The following SMAP1 variants were observed in gnomAD, a reference collection of about 807,000 sequenced individuals.
SMAP1 encodes small ArfGAP 1, also known as stromal membrane-associated protein 1.
A neutral mutation model predicts 58.5 loss-of-function variants in SMAP1; 24 were observed. That is an observed-to-expected ratio of 0.41 (90% CI 0.30 to 0.58). The LOEUF is 0.58. SMAP1 is among the 20% of genes least tolerant of loss of function. The pLI is 0.29. For missense variants in SMAP1, 563 were observed against 566.3 expected (o/e 0.99, Z 0.06); for synonymous variants, 216 against 196.6 (o/e 1.10, Z -0.82).
intron 6 of SMAP1, among the ~76,000 whole-genome samples, chr6:70,826,181 C>T (rs1013958941): frequency 6.6e-6 from 1 of 152,154 alleles, no homozygotes; most frequent in Admixed American, 6.5e-5. Flanking sequence ...AGGAAACTTA[C>T]CAGTGTAGCC....
At chr6:70,687,802 T>A (rs1277280524) in intron 1 of SMAP1, among the ~76,000 whole-genome samples, 1 of 152,214 alleles carries the variant, frequency 6.6e-6, no homozygotes, top group Non-Finnish European at 1.5e-5. Flanking sequence ...CAGTTTTGCT[T>A]GTACAGTAAT....
At chr6:70,690,590 C>T (rs895006314) in intron 1 of SMAP1, among the ~76,000 whole-genome samples, 8 of 151,728 alleles carry the variant, frequency 5.3e-5, no homozygotes, top group Non-Finnish European at 1.0e-4. Flanking sequence ...ACAGGCCACC[C>T]GGCCGGTTTT....
chr6:70,807,872 A>G (rs953157886), intron 6 of SMAP1, among the ~76,000 whole-genome samples: 10 of 151,924 alleles, frequency 6.6e-5, no homozygotes, highest in Non-Finnish European at 1.5e-4. Flanking sequence ...GATTCCTCAG[A>G]AAGTTGACCA....
At chr6:70,688,534 T>G (rs1467176313) in intron 1 of SMAP1, among the ~76,000 whole-genome samples, 1 of 152,234 alleles carries the variant, frequency 6.6e-6, no homozygotes, top group Admixed American at 6.5e-5. Context: ...ATTTGGATTC[T>G]CCTAGTGGTT....
intron 5 of SMAP1, among the ~76,000 whole-genome samples, chr6:70,796,586 T>C (rs1377862344): frequency 6.6e-6 from 1 of 152,194 alleles, no homozygotes; most frequent in Non-Finnish European, 1.5e-5. Flanking sequence ...CAGCAGTAGG[T>C]AATGTTTCTA....
Position 70,860,583 on chromosome 6 carries a change from G to C in SMAP1, c.*249G>C. 1 of 432,632 alleles carries C rather than the reference G, an allele frequency of 2.3e-6. No homozygotes were observed. Among genetic ancestry groups the C allele is most frequent in the Non-Finnish European group, 4.0e-6 (1 of 248,640 alleles). The allele number at this position is 432,632 out of a possible 1,614,324, so 26.8% of individuals were successfully genotyped here. On this transcript the variant is annotated 3_prime_UTR_variant, in exon 11 of 11. Transcript: ENST00000370455. ...CATGATTTCATGTACTGCATTATTTGAGAAGCTGCTCAACTTGCAAAATCA... is the reference window on the plus strand; with the variant it reads ...CATGATTTCATGTACTGCATTATTTCAGAAGCTGCTCAACTTGCAAAATCA...
intron 6 of SMAP1, among the ~76,000 whole-genome samples, chr6:70,834,968 G>C (rs1770510480): frequency 6.6e-6 from 1 of 151,948 alleles, no homozygotes; most frequent in African/African-American, 2.4e-5. Context: ...TAAAGAATTG[G>C]GCCGGGCGCA....
At chr6:70,684,032 GT>G (rs1766831521) in intron 1 of SMAP1, among the ~76,000 whole-genome samples, 1 of 152,156 alleles carries the variant, frequency 6.6e-6, no homozygotes, top group African/African-American at 2.4e-5. Context: ...TAAATTGTGG[GT>G]TTTTATGCTT....
intron 1 of SMAP1, among the ~76,000 whole-genome samples, chr6:70,731,028 G>C (rs577826996): frequency 6.6e-6 from 1 of 152,278 alleles, no homozygotes; most frequent in East Asian, 1.9e-4. Context: ...TCAAACTCCT[G>C]ACCTCAAGTG....
intron 2 of SMAP1, among the ~76,000 whole-genome samples, chr6:70,753,747 T>C (rs1766374031): frequency 6.6e-6 from 1 of 152,090 alleles, no homozygotes; most frequent in Non-Finnish European, 1.5e-5. Context: ...GCCTTCTATG[T>C]CATCTTGGAG....
intron 8 of SMAP1, among the ~76,000 whole-genome samples, chr6:70,854,446 A>AAGGTAAG (rs1771313976): frequency 6.6e-6 from 1 of 151,964 alleles, no homozygotes; most frequent in African/African-American, 2.4e-5. Context: ...ACATGGTGAA[A>AAGGTAAG]CCCCATCTCT....
chr6:70,705,786 C>T (rs1767814540), intron 1 of SMAP1, among the ~76,000 whole-genome samples: 1 of 152,258 alleles, frequency 6.6e-6, no homozygotes, highest in Non-Finnish European at 1.5e-5. Context: ...TCAAAGGCCC[C>T]AACCCTACAA....
At chr6:70,804,741 C>T (rs1362339464) in intron 6 of SMAP1, among the ~76,000 whole-genome samples, 2 of 152,088 alleles carry the variant, frequency 1.3e-5, no homozygotes, top group Non-Finnish European at 2.9e-5. Context: ...TATTTTATTT[C>T]TCCTTCACTT....
chr6:70,794,634 T>C (rs1264520374), intron 5 of SMAP1, among the ~76,000 whole-genome samples: 3 of 152,158 alleles, frequency 2.0e-5, no homozygotes, highest in Non-Finnish European at 4.4e-5. Context: ...TTCCCACCTA[T>C]GAGTGGAACA....
At chr6:70,775,424 GT>G (rs1487262922) in intron 4 of SMAP1, among the ~76,000 whole-genome samples, 6 of 152,052 alleles carry the variant, frequency 3.9e-5, no homozygotes, top group Non-Finnish European at 7.4e-5. Context: ...ACTGAGTTGG[GT>G]TTTTTCCCCC....
intron 1 of SMAP1, among the ~76,000 whole-genome samples, chr6:70,699,946 C>T (rs1767558336): frequency 6.6e-6 from 1 of 151,756 alleles, no homozygotes; most frequent in Non-Finnish European, 1.5e-5. Flanking sequence ...GTTATTCTTC[C>T]CTTTCCTTTC....
chr6:70,804,846 G>A (rs1462153156), intron 6 of SMAP1, among the ~76,000 whole-genome samples: 1 of 151,870 alleles, frequency 6.6e-6, no homozygotes, highest in East Asian at 1.9e-4. Context: ...CTGGCCTATA[G>A]TGTTTCTGCT....
At chr6:70,779,238 TA>T (rs1454317144) in intron 4 of SMAP1, among the ~76,000 whole-genome samples, 1 of 152,214 alleles carries the variant, frequency 6.6e-6, no homozygotes, top group Non-Finnish European at 1.5e-5. Flanking sequence ...CTGCCGAGTC[TA>T]GCTGGTGTTC....
intron 1 of SMAP1, chr6:70,693,849 G>C (rs1767287250): frequency 6.6e-6 from 1 of 152,194 alleles, no homozygotes; most frequent in Non-Finnish European, 1.5e-5. Flanking sequence ...GGTTTCTTGG[G>C]TATCACTCAA....
Sources: gnomAD v4.1 joint callset for allele counts (sites outside exome capture counted in the v4.1 genomes callset) on GRCh38, gnomAD v4.1.1 for gene constraint, MANE v1.5 for transcripts, NCBI Gene and HGNC (gene_info 2026-07-23, HGNC 2026-07-21) for gene names.